Variants in FHIT observed in about 807,000 individuals in gnomAD.
The protein encoded by FHIT is bis(5'-adenosyl)-triphosphatase.
In FHIT, 19 loss-of-function variants were observed where a neutral mutation model predicts 17.9. The ratio of observed to expected loss-of-function variants is 1.06; its 90% confidence interval spans 0.74 to 1.56. The LOEUF is 1.56. Ranked by LOEUF, FHIT falls within the 40% of genes most tolerant of loss-of-function variation. FHIT has a pLI of 0.00. For missense variants in FHIT, 248 were observed against 189.2 expected (o/e 1.31, Z -1.82); for synonymous variants, 81 against 69.7 (o/e 1.16, Z -0.81).
chr3:60,341,038 G>T (rs912621983), intron 5 of FHIT, among the ~76,000 whole-genome samples: 5 of 152,020 alleles, frequency 3.3e-5, no homozygotes, highest in Admixed American at 6.6e-5. Flanking sequence ...TATAGCATTG[G>T]GGAATATGAT....
chr3:60,736,023 G>T (rs190621273), intron 4 of FHIT, among the ~76,000 whole-genome samples: 213 of 151,886 alleles, frequency 1.4e-3, no homozygotes, highest in African/African-American at 4.8e-3. Flanking sequence ...AAATACAAAT[G>T]GCCTATAATC....
At chr3:59,901,008 G>C (rs911150909) in intron 8 of FHIT, among the ~76,000 whole-genome samples, 1 of 152,182 alleles carries the variant, frequency 6.6e-6, no homozygotes, top group African/African-American at 2.4e-5. Context: ...ACAGGATGCA[G>C]AGAAGCAAAA....
At chr3:60,652,727 C>CAAA (rs782637479) in intron 4 of FHIT, among the ~76,000 whole-genome samples, 32 of 58,942 alleles carry the variant, frequency 5.4e-4, no homozygotes, top group Middle Eastern at 0.014. Context: ...GACTCCATCT[C>CAAA]AAAAAAAAAA....
intron 7 of FHIT, among the ~76,000 whole-genome samples, chr3:60,003,731 C>T (rs570241919): frequency 2.6e-5 from 4 of 152,028 alleles, no homozygotes; most frequent in Admixed American, 6.6e-5. Context: ...GGCAACAAAG[C>T]GAGACTCTGT....
intron 3 of FHIT, among the ~76,000 whole-genome samples, chr3:60,868,043 A>C (rs6766713): frequency 0.22 from 32,897 of 152,136 alleles, 3,856 homozygotes; most frequent in Middle Eastern, 0.28. Flanking sequence ...ACCAAGACAT[A>C]GCTTGTTATG....
rs79450892 is a variant in FHIT, at chr3:61,000,063, G to C, written c.-111+41984C>G. Among the ~76,000 whole-genome samples, 31 of 152,234 alleles carry C rather than the reference G, an allele frequency of 2.0e-4. No individual in the cohort carries two copies. The East Asian group carries it at 5.8e-3, about 29-fold the overall frequency. On this transcript the variant is annotated intron_variant, in intron 3 of 9. Coordinates refer to ENST00000492590, the MANE Select transcript of FHIT (RefSeq NM_002012.4). ...CTTTGAGGGTTAGGATTTCAACATA[G>C]AAATGTTGGGGGTACACAAACATTG... is the stretch of plus-strand genomic sequence containing the variant.
intron 8 of FHIT, among the ~76,000 whole-genome samples, chr3:59,812,148 G>A (rs1268180272): frequency 6.6e-6 from 1 of 152,146 alleles, no homozygotes; most frequent in African/African-American, 2.4e-5. Context: ...GACTAGGAAT[G>A]TTGCCAAACG....
chr3:60,323,825 T>A (rs1447004331), intron 5 of FHIT, among the ~76,000 whole-genome samples: 1 of 152,188 alleles, frequency 6.6e-6, no homozygotes, highest in Admixed American at 6.5e-5. Context: ...CCGGAAGGGA[T>A]CCCTGCCTGA....
In FHIT at chr3:61,058,210, TA is replaced by T. The variant is rs376083584; in HGVS notation, c.-163-16112del. ...ATGATGCTATAGGTCTATGATTATA[TA>T]AGCATGAGTCTCCACATATGGCACA... On this transcript the variant is annotated intron_variant, in intron 2 of 9. Transcript: ENST00000492590. Among the ~76,000 whole-genome samples, 769 of 152,308 alleles carry T rather than the reference TA, an allele frequency of 5.0e-3. 10 individuals carry two copies. The highest frequency in any genetic ancestry group is 0.017 in the African/African-American group (711 of 41,558).
chr3:61,058,921 AAGT>A (rs1199000136), intron 2 of FHIT, among the ~76,000 whole-genome samples: 1 of 152,164 alleles, frequency 6.6e-6, no homozygotes, highest in Non-Finnish European at 1.5e-5. Context: ...ATTTGAGGTC[AAGT>A]AGTCCCAGTC....
intron 6 of FHIT, 106 bp downstream of exon 6, chr3:60,013,901 T>C (rs985317680): frequency 2.5e-6 from 3 of 1,208,984 alleles, no homozygotes; most frequent in South Asian, 2.8e-5. Flanking sequence ...CTACCTAAAA[T>C]ACAAACAATC....
At chr3:60,301,227 T>C (rs1318228439) in intron 5 of FHIT, among the ~76,000 whole-genome samples, 1 of 152,152 alleles carries the variant, frequency 6.6e-6, no homozygotes, top group Non-Finnish European at 1.5e-5. Context: ...AGGAAAATAA[T>C]TATGTGACAT....
rs868632307 is a variant in FHIT, at chr3:59,959,824, A to G, written c.280-37410T>C. ...TATGACAAAGATCTGGATTTGGGGT[A>G]GGGTCAGATTTAAGAAAATGAGACC... On this transcript the variant is annotated intron_variant, in intron 7 of 9. Transcript: ENST00000492590. Among the ~76,000 whole-genome samples, 168 of 152,198 alleles carry G rather than the reference A, an allele frequency of 1.1e-3. 1 individual carries two copies. Among genetic ancestry groups the G allele is most frequent in the African/African-American group, 3.7e-3 (155 of 41,454 alleles).
intron 2 of FHIT, among the ~76,000 whole-genome samples, chr3:61,074,741 G>A (rs144622681): frequency 1.1e-3 from 166 of 152,224 alleles, no homozygotes; most frequent in African/African-American, 3.8e-3. Flanking sequence ...TCATTTTGGT[G>A]AGCCTTGATC....
intron 2 of FHIT, among the ~76,000 whole-genome samples, chr3:61,079,393 A>T (rs2035064276): frequency 6.6e-6 from 1 of 152,134 alleles, no homozygotes; most frequent in Admixed American, 6.6e-5. Context: ...AAAAATTTGG[A>T]TACCAGTCTG....
chr3:60,792,987 G>A (rs1443537577), intron 4 of FHIT, among the ~76,000 whole-genome samples: 1 of 152,066 alleles, frequency 6.6e-6, no homozygotes, highest in Admixed American at 6.6e-5. Context: ...TGAAGATGGT[G>A]GGCAGGTATC....
At chr3:60,556,829 T>C (rs1329677575) in intron 4 of FHIT, among the ~76,000 whole-genome samples, 1 of 150,114 alleles carries the variant, frequency 6.7e-6, no homozygotes, top group African/African-American at 2.4e-5. Context: ...GTGACCACCG[T>C]GTTGAACACT....
At chr3:61,065,529 A>C (rs77427619) in intron 2 of FHIT, among the ~76,000 whole-genome samples, 3,102 of 152,274 alleles carry the variant, frequency 0.02, 107 homozygotes, top group African/African-American at 0.069. Flanking sequence ...CTTAGGGGTG[A>C]ACACTGAATC....
At chr3:61,044,743 T>C (rs2033699770) in intron 2 of FHIT, among the ~76,000 whole-genome samples, 1 of 152,150 alleles carries the variant, frequency 6.6e-6, no homozygotes, top group African/African-American at 2.4e-5. Context: ...AAAGGTCCGG[T>C]TACCCACAAA....
Sources: gnomAD v4.1 joint callset for allele counts (sites outside exome capture counted in the v4.1 genomes callset) on GRCh38, gnomAD v4.1.1 for gene constraint, MANE v1.5 for transcripts, NCBI Gene and HGNC (gene_info 2026-07-23, HGNC 2026-07-21) for gene names.